ZNF683: variants seen among roughly 807,000 people sequenced by gnomAD.
ZNF683 encodes zinc finger protein 683.
Under a neutral mutation model 31.4 loss-of-function variants are expected in ZNF683, and 20 were observed. The ratio of observed to expected loss-of-function variants is 0.64; its 90% CI spans 0.45 to 0.93. The LOEUF (loss-of-function observed/expected upper bound fraction) is 0.93, where lower values mean the gene tolerates loss of function less well. Ranked by LOEUF, ZNF683 falls within the 40% of genes least tolerant of loss-of-function variation. The pLI is 0.00. For missense variants in ZNF683, 621 were observed against 637.2 expected (o/e 0.97, Z 0.27); for synonymous variants, 264 against 267.6 (o/e 0.99, Z 0.13).
In ZNF683 at chr1:26,368,457, C is replaced by T. The variant is rs2124181815; in HGVS notation, c.114+1G>A. Reference sequence around the variant, plus strand: ...AAGGTAAGGCTGGGGTTCTACCTTACCTGGTCACCTCGGAAGAGCTGGAAG... The same window carrying T: ...AAGGTAAGGCTGGGGTTCTACCTTATCTGGTCACCTCGGAAGAGCTGGAAG... On this transcript the variant is annotated splice_donor_variant, in intron 2 of 5. Transcript: ENST00000349618. LOFTEE classifies it high-confidence loss of function. 1 of 1,582,412 alleles carries T rather than the reference C, an allele frequency of 6.3e-7. No homozygotes were observed. Among genetic ancestry groups the T allele is most frequent in the Middle Eastern group, 1.7e-4 (1 of 5,948 alleles).
intron 1 of ZNF683, 27 bp from the exon 2 acceptor site, chr1:26,368,612 G>A (rs2124184459): frequency 6.4e-7 from 1 of 1,557,664 alleles, no homozygotes; most frequent in Non-Finnish European, 8.7e-7. Flanking sequence ...TTAGAGGTAA[G>A]CTGTGAAGGT....
At chr1:26,367,364 A>G (rs906884348) in intron 3 of ZNF683, among the ~76,000 whole-genome samples, 1 of 152,102 alleles carries the variant, frequency 6.6e-6, no homozygotes, top group Admixed American at 6.5e-5. Flanking sequence ...TCCCACACAC[A>G]TGCCTGAGAA....
chr1:26,367,990 C>T (rs1343473549), intron 2 of ZNF683, among the ~76,000 whole-genome samples, 193 bp from the exon 3 acceptor site: 1 of 152,200 alleles, frequency 6.6e-6, no homozygotes, highest in Non-Finnish European at 1.5e-5. Context: ...TCCCACCCAC[C>T]ACAAGATTGC....
In ZNF683 at chr1:26,369,756, A is replaced by G. The variant is rs1165916308; in HGVS notation, c.-14-1171T>C. 7.5e-3 allele frequency among the ~76,000 whole-genome samples: 1,028 copies of G among 136,472 alleles called. 12 individuals carry two copies. The highest frequency in any genetic ancestry group is 0.03 in the African/African-American group (962 of 32,138). The allele number at this position is 136,472 out of a possible 152,430, so 89.5% of individuals were successfully genotyped here. A position where few individuals can be genotyped will look rare whatever the true frequency, so the allele number is the denominator to read the frequency against. ...GAGGCAAGAGAATCGCTTGAACCCAAGAGGCGGAGGTTGCAGTAGCCGAGA... is the reference window on the plus strand; with the variant it reads ...GAGGCAAGAGAATCGCTTGAACCCAGGAGGCGGAGGTTGCAGTAGCCGAGA... On this transcript the variant is annotated intron_variant, in intron 1 of 5. Coordinates refer to ENST00000349618, the MANE Select transcript of ZNF683 (RefSeq NM_001114759.3).
rs1557730001 is a variant in ZNF683, at chr1:26,361,794, G to A, written c.1372C>T (p.Leu458Phe). The A allele has an allele frequency of 1.2e-6, 2 of 1,614,072 alleles. No individual in the cohort carries two copies. Among genetic ancestry groups the A allele is most frequent in the Non-Finnish European group, 1.7e-6 (2 of 1,179,900 alleles). The change falls in exon 6 of 6, where the codon CTT (leucine) becomes TTT (phenylalanine). Residue 458 changes from leucine (L) to phenylalanine (F), a missense_variant. Transcript: ENST00000349618. ...LAQWHQGALD[L>F]MAVASEKHMG... ...TGTTTCTCAGATGCCACCGCCATAA[G>A]ATCTAGTGCCCCCTGGTGCCATTGG...
At position 26,370,377 on chromosome 1, in the gene ZNF683, G is replaced by A. The variant is rs530744817; in HGVS notation, c.-14-1792C>T. Among the ~76,000 whole-genome samples the A allele has an allele frequency of 1.5e-4, 23 of 152,218 alleles. No individual in the cohort carries two copies. In the East Asian group the frequency reaches 3.9e-3, roughly 26 times the overall value. On this transcript the variant is annotated intron_variant, in intron 1 of 5. Transcript: ENST00000349618. Reference sequence around the variant, plus strand: ...CCTGACTGGCCTGACAGAGAGACGCGAGTGCCCAGCTGTCTGCTCATCCAG... The same window carrying A: ...CCTGACTGGCCTGACAGAGAGACGCAAGTGCCCAGCTGTCTGCTCATCCAG...
Position 26,364,755 on chromosome 1 carries a change from C to T in ZNF683, c.791G>A (p.Gly264Asp). 1 of 1,613,104 alleles carries T rather than the reference C, an allele frequency of 6.2e-7. No individual in the cohort carries two copies. The highest frequency in any genetic ancestry group is 1.7e-4 in the Middle Eastern group (1 of 6,058). ...LPYPGAFQAS[G>D]QALPSQARNP... ...TCGGGCCTGGGAAGGCAGAGCTTGG[C>T]CAGAGGCTTGGAAGGCCCCTGGGTA... is the stretch of plus-strand genomic sequence containing the variant. The change falls in exon 4 of 6, where the codon GGC becomes GAC. Residue 264 changes from glycine (G) to aspartate (D), a missense_variant. Gly to Asp is a moderately conservative substitution (Grantham distance 94). Coordinates refer to ENST00000349618, the MANE Select transcript of ZNF683 (RefSeq NM_001114759.3).
At chr1:26,374,446 C>T, upstream of ZNF683, 1 of 1,166,832 alleles carries the variant, frequency 8.6e-7, no homozygotes, top group Non-Finnish European at 1.1e-6. Flanking sequence ...AGGAAATGCC[C>T]CAGGAGGTGG....
chr1:26,364,346 G>A (rs2074460663), intron 4 of ZNF683, among the ~76,000 whole-genome samples, 186 bp downstream of exon 4: 1 of 152,106 alleles, frequency 6.6e-6, no homozygotes, highest in African/African-American at 2.4e-5. Context: ...CTCTAGGGTG[G>A]CGAGGACTTT....
chr1:26,372,834 G>T, upstream of ZNF683: 1 of 1,178,184 alleles, frequency 8.5e-7, no homozygotes, highest in Non-Finnish European at 1.1e-6. Flanking sequence ...GGGCATGGAG[G>T]CTGACAAGAC....
chr1:26,364,455 C>A, intron 4 of ZNF683, 77 bp downstream of exon 4: 1 of 1,547,598 alleles, frequency 6.5e-7, no homozygotes, highest in Non-Finnish European at 8.9e-7. Flanking sequence ...GAGGTCCTTG[C>A]TTCTAGAAGC....
chr1:26,369,761 C>T (rs1043811868), intron 1 of ZNF683, among the ~76,000 whole-genome samples: 3 of 151,890 alleles, frequency 2.0e-5, no homozygotes, highest in Non-Finnish European at 4.4e-5. Flanking sequence ...ACCCAAGAGG[C>T]GGAGGTTGCA....
intron 3 of ZNF683, among the ~76,000 whole-genome samples, chr1:26,365,564 T>C (rs2074502205): frequency 6.6e-6 from 1 of 152,236 alleles, no homozygotes; most frequent in Non-Finnish European, 1.5e-5. Flanking sequence ...GATGCATGAC[T>C]AGATTTACAT....
In ZNF683 at chr1:26,365,304, G is replaced by C; in HGVS notation, c.320-78C>G. 6 of 1,413,450 alleles carry C rather than the reference G, an allele frequency of 4.2e-6. No homozygotes were observed. The South Asian group carries it at 7.0e-5, about 17-fold the overall frequency. The allele number at this position is 1,413,450 out of a possible 1,614,324, so 87.6% of individuals were successfully genotyped here. A position where few individuals can be genotyped will look rare whatever the true frequency, so the allele number is the denominator to read the frequency against. On this transcript the variant is annotated intron_variant, in intron 3 of 5. Transcript: ENST00000349618. ...GTCCGCCATCAAACCTGCCCTGCTC[G>C]GGGCTGAGAAAGACCTCCAGCCTGC...
chr1:26,369,060 C>T (rs1420967332), intron 1 of ZNF683, among the ~76,000 whole-genome samples: 1 of 151,896 alleles, frequency 6.6e-6, no homozygotes, highest in Non-Finnish European at 1.5e-5. Context: ...ACCTCGGCAA[C>T]ATGGTGAAAC....
intron 1 of ZNF683, among the ~76,000 whole-genome samples, chr1:26,371,977 G>A (rs1415477627): frequency 2.0e-5 from 3 of 152,064 alleles, no homozygotes; most frequent in Admixed American, 6.6e-5. Flanking sequence ...GATACAAAAA[G>A]GGAGACCTCA....
intron 4 of ZNF683, among the ~76,000 whole-genome samples, chr1:26,364,198 G>A (rs1237184580): frequency 6.6e-6 from 1 of 152,206 alleles, no homozygotes. Context: ...CCAGGTAAGG[G>A]CTTTCTTTGC....
intron 5 of ZNF683, 44 bp downstream of exon 5, chr1:26,362,981 CT>C (rs1557732331): frequency 1.9e-6 from 3 of 1,557,486 alleles, no homozygotes; most frequent in Admixed American, 1.8e-5. Flanking sequence ...CCTAAAACTC[CT>C]CTCCAGCCTA....
intron 2 of ZNF683, among the ~76,000 whole-genome samples, chr1:26,368,243 G>A (rs563984691): frequency 3.9e-5 from 6 of 152,356 alleles, no homozygotes; most frequent in South Asian, 4.1e-4. Flanking sequence ...CGAGGCTTCC[G>A]CTTCTTATTC....
Sources: gnomAD v4.1 joint callset for allele counts (sites outside exome capture counted in the v4.1 genomes callset) on GRCh38, gnomAD v4.1.1 for gene constraint, MANE v1.5 for transcripts, NCBI Gene and HGNC (gene_info 2026-07-23, HGNC 2026-07-21) for gene names.